CERK: variants seen among roughly 807,000 people sequenced by gnomAD.
CERK encodes acylsphingosine kinase.
In CERK, 39 loss-of-function variants were observed where a neutral mutation model predicts 63.4. The ratio of observed to expected loss-of-function variants is 0.61; its 90% CI spans 0.48 to 0.80. The LOEUF (loss-of-function observed/expected upper bound fraction) is 0.80. Among genes scored for constraint, CERK ranks in the 30% least tolerant of loss-of-function variants. CERK has a pLI of 0.00. For missense variants in CERK, 670 were observed against 714.1 expected (o/e 0.94, Z 0.70); for synonymous variants, 302 against 280.0 (o/e 1.08, Z -0.78).
At chr22:46,724,794 C>A (rs188065786) in intron 1 of CERK, among the ~76,000 whole-genome samples, 166 of 152,088 alleles carry the variant, frequency 1.1e-3, no homozygotes, top group Admixed American at 4.3e-3. Context: ...CTAAGGTGGG[C>A]GGATCACGAG....
At chr22:46,688,424 G>A (rs903813915) in intron 12 of CERK, among the ~76,000 whole-genome samples, 5 of 152,216 alleles carry the variant, frequency 3.3e-5, no homozygotes, top group African/African-American at 4.8e-5. Context: ...TGTCAAATGA[G>A]TTGACAGAGG....
intron 1 of CERK, among the ~76,000 whole-genome samples, chr22:46,722,251 A>T (rs940532116): frequency 6.6e-6 from 1 of 152,214 alleles, no homozygotes; most frequent in Admixed American, 6.5e-5. Context: ...CATCATTTTT[A>T]AAGTTGTGGC....
intron 10 of CERK, among the ~76,000 whole-genome samples, chr22:46,692,023 C>G (rs2082734190): frequency 6.6e-6 from 1 of 152,232 alleles, no homozygotes; most frequent in Non-Finnish European, 1.5e-5. Flanking sequence ...CACTTGGTGA[C>G]TTTTGGACAA....
intron 1 of CERK, among the ~76,000 whole-genome samples, chr22:46,734,587 A>G (rs2082963004): frequency 6.6e-6 from 1 of 152,242 alleles, no homozygotes; most frequent in East Asian, 1.9e-4. Flanking sequence ...AGGTGCACAC[A>G]ATTATCAAAA....
chr22:46,689,901 G>A (rs768012584), intron 12 of CERK, 91 bp downstream of exon 12: 27 of 895,482 alleles, frequency 3.0e-5, no homozygotes, highest in Non-Finnish European at 4.3e-5. Flanking sequence ...TAAAGCCCCA[G>A]GGAACCCCCC....
At chr22:46,696,073 A>T (rs2082754682) in intron 8 of CERK, among the ~76,000 whole-genome samples, 2 of 152,158 alleles carry the variant, frequency 1.3e-5, no homozygotes, top group African/African-American at 2.4e-5. Context: ...GCCGTCACAC[A>T]CAACCTTACC....
chr22:46,718,357 G>T lies in CERK; in HGVS notation c.379+1729C>A, dbSNP rs141389297. Among the ~76,000 whole-genome samples, 38 of 152,268 alleles carry T rather than the reference G, an allele frequency of 2.5e-4. 1 individual carries two copies. The South Asian group carries it at 4.8e-3, about 19-fold the overall frequency. On this transcript the variant is annotated intron_variant, in intron 3 of 12. Transcript: ENST00000216264. ...GGTTTGATGGGAGGAAAGGGAAGGA[G>T]AAAGCAGGACGGACGGAAAGGGGGA...
At chr22:46,709,590 G>A (rs1180469271) in intron 5 of CERK, among the ~76,000 whole-genome samples, 1 of 152,174 alleles carries the variant, frequency 6.6e-6, no homozygotes, top group East Asian at 1.9e-4. Flanking sequence ...GCTGGGACCT[G>A]GAGGACCCTC....
chr22:46,733,300 T>C (rs1331424284), intron 1 of CERK, among the ~76,000 whole-genome samples: 1 of 151,324 alleles, frequency 6.6e-6, no homozygotes, highest in African/African-American at 2.4e-5. Context: ...TTTATTATTA[T>C]TATTATTATT....
At chr22:46,691,235 T>C (rs2082730110) in intron 11 of CERK, among the ~76,000 whole-genome samples, 1 of 152,098 alleles carries the variant, frequency 6.6e-6, no homozygotes, top group African/African-American at 2.4e-5. Flanking sequence ...CCACCACGCC[T>C]GGCTTTTTTG....
At chr22:46,693,214 C>T (rs2082740134) in intron 10 of CERK, among the ~76,000 whole-genome samples, 1 of 152,132 alleles carries the variant, frequency 6.6e-6, no homozygotes, top group African/African-American at 2.4e-5. Context: ...GTAACGGGGC[C>T]TTTCACAAAA....
chr22:46,711,233 T>G (rs2082839572), intron 4 of CERK, 84 bp from the exon 5 acceptor site: 5 of 1,022,492 alleles, frequency 4.9e-6, no homozygotes, highest in Non-Finnish European at 7.8e-6. Flanking sequence ...TCTTTTAAAA[T>G]GAGTTCCTGT....
In CERK at chr22:46,738,250, G is replaced by GGGCT; in HGVS notation, c.-103_-102insAGCC. 3.0e-6 allele frequency: 2 copies of GGGCT among 663,922 alleles called. No homozygotes were observed. The highest frequency in any genetic ancestry group is 3.8e-6 in the Non-Finnish European group (2 of 532,870). The allele number at this position is 663,922 out of a possible 1,614,324, so 41.1% of individuals were successfully genotyped here. On this transcript the variant is annotated 5_prime_UTR_variant, in exon 1 of 13. Coordinates refer to ENST00000216264, the MANE Select transcript of CERK (RefSeq NM_022766.6). ...GTGGCCCGGGCGGCGGGCGGCGGGC[G>GGGCT]GCGGGAGGCGGCGCTGCGTCACCCC...
intron 10 of CERK, among the ~76,000 whole-genome samples, chr22:46,692,897 C>T (rs1199105150): frequency 2.1e-5 from 2 of 95,586 alleles, no homozygotes; most frequent in Non-Finnish European, 3.8e-5. Flanking sequence ...AAGAGTGAAA[C>T]TCCATCCAAA....
intron 7 of CERK, 99 bp downstream of exon 7, chr22:46,701,537 G>T: frequency 9.9e-7 from 1 of 1,007,310 alleles, no homozygotes; most frequent in Non-Finnish European, 1.5e-6. Flanking sequence ...AGGACAGGAC[G>T]GCAACGGCTG....
At chr22:46,721,236 A>C (rs2082890776) in intron 1 of CERK, among the ~76,000 whole-genome samples, 1 of 151,946 alleles carries the variant, frequency 6.6e-6, no homozygotes, top group Non-Finnish European at 1.5e-5. Context: ...GTGACACTGC[A>C]CTCCAGCCCT....
intron 3 of CERK, among the ~76,000 whole-genome samples, chr22:46,713,297 G>A (rs1292933291): frequency 4.6e-5 from 7 of 151,536 alleles, no homozygotes; most frequent in Non-Finnish European, 1.0e-4. Flanking sequence ...GAGGTCAGGA[G>A]ATCGGGACCA....
chr22:46,703,406 G>A (rs1033676161), intron 6 of CERK, among the ~76,000 whole-genome samples: 1 of 151,782 alleles, frequency 6.6e-6, no homozygotes, highest in Non-Finnish European at 1.5e-5. Flanking sequence ...ACCTTCTAGC[G>A]GCTGGAACCC....
intron 5 of CERK, among the ~76,000 whole-genome samples, chr22:46,710,180 G>T (rs918699672): frequency 6.6e-6 from 1 of 152,192 alleles, no homozygotes; most frequent in African/African-American, 2.4e-5. Flanking sequence ...TGTAATCCCA[G>T]CACTTTGGGA....
Sources: allele counts gnomAD v4.1 joint callset (sites outside exome capture counted in the v4.1 genomes callset), GRCh38; gene constraint gnomAD v4.1.1; transcripts MANE v1.5; gene names NCBI Gene and HGNC (gene_info 2026-07-23, HGNC 2026-07-21).